The following ST7 variants were observed in gnomAD, a reference collection of about 807,000 sequenced individuals.
The protein encoded by ST7 is suppressor of tumorigenicity 7 protein.
Under a neutral mutation model 78.7 loss-of-function variants are expected in ST7, and 28 were observed. The ratio of observed to expected loss-of-function variants is 0.36; its 90% CI spans 0.26 to 0.49. ST7 has a LOEUF of 0.49. Among genes scored for constraint, ST7 ranks in the 20% least tolerant of loss-of-function variants. The pLI is 0.99. For missense variants in ST7, 418 were observed against 696.0 expected, an observed-to-expected ratio of 0.60 and a Z score of 4.49; for synonymous variants, 247 against 249.6, an observed-to-expected ratio of 0.99 and a Z score of 0.10.
At chr7:117,214,339 T>G (rs995882276) in intron 13 of ST7, among the ~76,000 whole-genome samples, 1 of 152,136 alleles carries the variant, frequency 6.6e-6, no homozygotes, top group Non-Finnish European at 1.5e-5. Context: ...TTGAGGATGG[T>G]GTTTTTTAGG....
chr7:116,972,211 G>A (rs748157050), intron 1 of ST7: 2 of 542,636 alleles, frequency 3.7e-6, no homozygotes, highest in Non-Finnish European at 7.1e-6. Context: ...CATCTTTTGT[G>A]TACAGAGGCG....
chr7:117,225,021 TC>T (rs1246476544), intron 15 of ST7, among the ~76,000 whole-genome samples: 1 of 152,168 alleles, frequency 6.6e-6, no homozygotes, highest in African/African-American at 2.4e-5. Context: ...TGTCAAGCAC[TC>T]CCCTGGTGAT....
At chr7:117,033,558 G>A (rs1584492390) in intron 1 of ST7, among the ~76,000 whole-genome samples, 1 of 152,018 alleles carries the variant, frequency 6.6e-6, no homozygotes, top group East Asian at 1.9e-4. Context: ...TAAATAGCTA[G>A]GATTACAGGT....
chr7:117,177,118 T>C (rs565958746), intron 10 of ST7, among the ~76,000 whole-genome samples: 1 of 152,336 alleles, frequency 6.6e-6, no homozygotes, highest in South Asian at 2.1e-4. Flanking sequence ...ATGGTGGTCC[T>C]GCATAGCTTT....
At chr7:117,225,218 G>A (rs952072031) in intron 15 of ST7, among the ~76,000 whole-genome samples, 2 of 152,110 alleles carry the variant, frequency 1.3e-5, no homozygotes, top group Non-Finnish European at 2.9e-5. Context: ...TGTGGGACAG[G>A]ACTCAACTCG....
intron 1 of ST7, among the ~76,000 whole-genome samples, chr7:117,034,957 G>A (rs1796800031): frequency 6.6e-6 from 1 of 152,074 alleles, no homozygotes; most frequent in Non-Finnish European, 1.5e-5. Flanking sequence ...GTTTAGTTGT[G>A]TAAGGGTGAT....
At position 117,208,739 on chromosome 7, in the gene ST7, A is replaced by G. The variant is rs114624219; in HGVS notation, c.1255-1048A>G. 3.1e-3 allele frequency among the ~76,000 whole-genome samples: 465 copies of G among 152,282 alleles called. 6 individuals are homozygous for G. Among genetic ancestry groups the G allele is most frequent in the African/African-American group, 0.011 (442 of 41,554 alleles). ...TAAACTTCCACGGACAGAAAAATACATAGGCAATTATTTCTGATGCTAAAA... is the reference window on the plus strand; with the variant it reads ...TAAACTTCCACGGACAGAAAAATACGTAGGCAATTATTTCTGATGCTAAAA... On this transcript the variant is annotated intron_variant, in intron 12 of 15. Transcript: ENST00000323984.
intron 1 of ST7, among the ~76,000 whole-genome samples, chr7:117,086,669 G>T (rs1350272590): frequency 6.6e-6 from 1 of 152,046 alleles, no homozygotes; most frequent in Non-Finnish European, 1.5e-5. Context: ...TCTTTTAATA[G>T]ATTTTTTTTT....
chr7:117,168,679 T>A (rs1369526547), intron 9 of ST7, among the ~76,000 whole-genome samples: 1 of 152,244 alleles, frequency 6.6e-6, no homozygotes, highest in East Asian at 1.9e-4. Flanking sequence ...TCAGTCTTAC[T>A]GAACACATAA....
intron 1 of ST7, among the ~76,000 whole-genome samples, chr7:117,046,814 A>G (rs563429324): frequency 1.3e-5 from 2 of 152,330 alleles, no homozygotes; most frequent in South Asian, 4.1e-4. Flanking sequence ...TGAGGCGCTC[A>G]TTCATGTATT....
In ST7 at chr7:117,219,988, A is replaced by T. The variant is rs1466717514; in HGVS notation, c.1498+812A>T. On this transcript the variant is annotated intron_variant, in intron 14 of 15. Transcript: ENST00000323984. This position sits in a 1 kb window ranked among gnomAD's most constrained non-coding sequence, Gnocchi z 5.1. ...CTTAGGATATATTTTTCTCCCTCAG[A>T]TAATAAGCTCCAAATTTTAGCTCTT... Among the ~76,000 whole-genome samples the T allele has an allele frequency of 6.6e-6, 1 of 152,192 alleles. No homozygotes were observed. Among genetic ancestry groups the T allele is most frequent in the Non-Finnish European group, 1.5e-5 (1 of 68,034 alleles).
chr7:117,068,911 C>T (rs1211552318), intron 1 of ST7, among the ~76,000 whole-genome samples: 1 of 152,144 alleles, frequency 6.6e-6, no homozygotes, highest in African/African-American at 2.4e-5. Context: ...TACCCAGAAC[C>T]CAGTGCCAGG....
At chr7:117,218,065 T>C (rs1375935996) in intron 13 of ST7, among the ~76,000 whole-genome samples, 1 of 152,224 alleles carries the variant, frequency 6.6e-6, no homozygotes, top group African/African-American at 2.4e-5. Flanking sequence ...ATATGTACAT[T>C]GACAGCATTT....
intron 9 of ST7, among the ~76,000 whole-genome samples, chr7:117,164,012 A>C (rs1264125701): frequency 6.6e-6 from 1 of 152,214 alleles, no homozygotes; most frequent in Non-Finnish European, 1.5e-5. Context: ...ATAGAAAAAC[A>C]ATCCTAAAAT....
intron 1 of ST7, among the ~76,000 whole-genome samples, chr7:117,064,701 G>C (rs1439990423): frequency 6.6e-6 from 1 of 152,138 alleles, no homozygotes; most frequent in Non-Finnish European, 1.5e-5. Context: ...TCTTCTTCAG[G>C]TCTGTACATT....
intron 1 of ST7, chr7:117,020,467 C>A: frequency 1.1e-6 from 1 of 940,778 alleles, no homozygotes; most frequent in Non-Finnish European, 1.5e-6. Context: ...ACAGCTTGGA[C>A]TGCATTGTCT....
chr7:116,968,293 CTCCT>C lies in ST7; in HGVS notation c.151+14636_151+14639del, dbSNP rs374262213. The C allele has an allele frequency of 4.7e-3, 25 of 5,346 alleles. 1 individual carries two copies. The highest frequency in any genetic ancestry group is 0.013 in the African/African-American group (23 of 1,750). 0.3% of individuals were successfully genotyped at this position (5,346 alleles called of 1,614,324 possible). A position where few individuals can be genotyped will look rare whatever the true frequency, so the allele number is the denominator to read the frequency against. On this transcript the variant is annotated intron_variant, in intron 1 of 15. Coordinates refer to ENST00000323984, the MANE Select transcript of ST7 (RefSeq NM_001369598.1). ...CCTCCCTCCCTCCCTCCCTCCCTCC[CTCCT>C]TCCTTCCTTCCTTCCTTCCTTCCTT...
chr7:116,985,180 G>GA (rs1421893590), intron 1 of ST7, among the ~76,000 whole-genome samples: 1 of 152,156 alleles, frequency 6.6e-6, no homozygotes, highest in Non-Finnish European at 1.5e-5. Flanking sequence ...AGGATTTGAT[G>GA]AAAATTTAAA....
chr7:117,129,879 G>A (rs759212222), intron 4 of ST7, 32 bp downstream of exon 4: 2 of 1,587,786 alleles, frequency 1.3e-6, no homozygotes, highest in South Asian at 1.1e-5. Flanking sequence ...GAAACAAATG[G>A]GTCTGGTTCA....
Sources: gnomAD v4.1 joint callset for allele counts (sites outside exome capture counted in the v4.1 genomes callset) on GRCh38, gnomAD v4.1.1 for gene constraint, Gnocchi (gnomAD v3.1) non-coding constraint, MANE v1.5 for transcripts, NCBI Gene and HGNC (gene_info 2026-07-23, HGNC 2026-07-21) for gene names.